PLXDC2: variants seen among roughly 807,000 people sequenced by gnomAD.
The protein encoded by PLXDC2 is plexin domain-containing protein 2.
In PLXDC2, 40 loss-of-function variants were observed where a neutral mutation model predicts 68.9. The ratio of observed to expected loss-of-function variants is 0.58; its 90% CI spans 0.45 to 0.76. The LOEUF (loss-of-function observed/expected upper bound fraction) is 0.76, where lower values mean the gene tolerates loss of function less well. PLXDC2 is among the 30% of genes least tolerant of loss of function. PLXDC2 has a pLI of 0.00. For synonymous variants in PLXDC2, 243 were observed against 234.2 expected, an observed-to-expected ratio of 1.04 and a Z score of -0.34; for missense variants, 644 against 661.9, an observed-to-expected ratio of 0.97 and a Z score of 0.30.
chr10:19,859,150 C>G (rs1167947080), intron 1 of PLXDC2, among the ~76,000 whole-genome samples: 1 of 152,068 alleles, frequency 6.6e-6, no homozygotes, highest in African/African-American at 2.4e-5. Flanking sequence ...CTAAGGCATC[C>G]ATGAGGGATC....
intron 2 of PLXDC2, among the ~76,000 whole-genome samples, chr10:20,022,770 C>T (rs1315306262): frequency 1.3e-5 from 2 of 151,994 alleles, no homozygotes; most frequent in African/African-American, 4.8e-5. Context: ...TGCAAATAAT[C>T]ATTTACTACA....
chr10:19,855,922 A>G (rs1322409763), intron 1 of PLXDC2, among the ~76,000 whole-genome samples: 2 of 152,084 alleles, frequency 1.3e-5, no homozygotes, highest in Admixed American at 6.6e-5. Flanking sequence ...CATCTGTACT[A>G]AAAAAATATA....
chr10:20,269,706 T>A (rs1835911561), intron 13 of PLXDC2, among the ~76,000 whole-genome samples: 1 of 152,030 alleles, frequency 6.6e-6, no homozygotes, highest in African/African-American at 2.4e-5. Context: ...GCAGCGAGAA[T>A]CAGTGATGTA....
intron 1 of PLXDC2, among the ~76,000 whole-genome samples, chr10:19,886,932 T>G (rs1026830479): frequency 1.3e-5 from 2 of 152,192 alleles, no homozygotes; most frequent in Non-Finnish European, 2.9e-5. Flanking sequence ...CTATCCTAAG[T>G]CATATAACCT....
At chr10:19,866,191 T>A (rs557128664) in intron 1 of PLXDC2, among the ~76,000 whole-genome samples, 1 of 152,228 alleles carries the variant, frequency 6.6e-6, no homozygotes, top group African/African-American at 2.4e-5. Flanking sequence ...GGGTATTCTT[T>A]ATTTGTTTAG....
intron 1 of PLXDC2, among the ~76,000 whole-genome samples, chr10:19,998,666 A>G (rs538986586): frequency 7.9e-5 from 12 of 152,334 alleles, no homozygotes; most frequent in African/African-American, 2.9e-4. Context: ...CAATTAGAGC[A>G]AGCAAGAGAT....
rs528022280 is a variant in PLXDC2 at position 19,952,164 on chromosome 10, A to T, written c.113-49611A>T. 1.6e-4 allele frequency among the ~76,000 whole-genome samples: 24 copies of T among 152,344 alleles called. 1 individual carries two copies. The South Asian group carries it at 3.3e-3, about 21-fold the overall frequency. ...CTAAAATAAAAGTTGGAATTATTTT[A>T]AAAAATACATTTTTTAAAATGTAAA... On this transcript the variant is annotated intron_variant, in intron 1 of 13. Coordinates refer to ENST00000377252, the MANE Select transcript of PLXDC2 (RefSeq NM_032812.9).
intron 6 of PLXDC2, among the ~76,000 whole-genome samples, chr10:20,155,479 G>A (rs557156229): frequency 6.6e-6 from 1 of 152,144 alleles, no homozygotes; most frequent in Admixed American, 6.5e-5. Context: ...TAATATATAT[G>A]TACATATATA....
intron 1 of PLXDC2, among the ~76,000 whole-genome samples, chr10:19,897,591 A>G (rs935123041): frequency 6.6e-6 from 1 of 152,196 alleles, no homozygotes; most frequent in Non-Finnish European, 1.5e-5. Flanking sequence ...AGTTTAGGGA[A>G]CAGAAAACAT....
At chr10:19,883,302 C>T (rs189991300) in intron 1 of PLXDC2, among the ~76,000 whole-genome samples, 1 of 152,116 alleles carries the variant, frequency 6.6e-6, no homozygotes, top group East Asian at 1.9e-4. Context: ...GTTAAAAGTG[C>T]GTATTTTATA....
At chr10:20,266,361 G>A (rs2026420) in intron 13 of PLXDC2, among the ~76,000 whole-genome samples, 87,712 of 147,804 alleles carry the variant, frequency 0.59, 26,688 homozygotes, top group Middle Eastern at 0.76. Flanking sequence ...GAAATTGTTG[G>A]GGAAAAAAAA....
In PLXDC2 at chr10:20,283,880, A is replaced by G. The variant is rs1355712928; in HGVS notation, c.*4061A>G. On this transcript the variant is annotated 3_prime_UTR_variant, in exon 14 of 14. Coordinates refer to ENST00000377252, the MANE Select transcript of PLXDC2 (RefSeq NM_032812.9). Reference sequence around the variant, plus strand: ...GTAAACCTTTGCACATGCAGACTATATAAAGGGAATAAAATTATTTTAAAT... The same window carrying G: ...GTAAACCTTTGCACATGCAGACTATGTAAAGGGAATAAAATTATTTTAAAT... The G allele has an allele frequency of 6.6e-6, 1 of 152,214 alleles. No individual in the cohort carries two copies. The allele number at this position is 152,214 out of a possible 1,614,324, so 9.4% of individuals were successfully genotyped here.
chr10:20,273,505 G>A (rs1408714156), intron 13 of PLXDC2, among the ~76,000 whole-genome samples: 1 of 151,832 alleles, frequency 6.6e-6, no homozygotes, highest in African/African-American at 2.4e-5. Context: ...CGACTTCTAG[G>A]ACATATACAT....
chr10:20,074,285 G>A (rs531689051), intron 4 of PLXDC2, among the ~76,000 whole-genome samples: 189 of 152,058 alleles, frequency 1.2e-3, no homozygotes, highest in African/African-American at 4.2e-3. Context: ...CATTTGCTAC[G>A]TAAAAGATTA....
chr10:20,247,321 A>G (rs1001959130), intron 13 of PLXDC2, among the ~76,000 whole-genome samples: 3 of 151,448 alleles, frequency 2.0e-5, no homozygotes, highest in East Asian at 1.9e-4. Flanking sequence ...AGAAAAAAAG[A>G]AAAAAATGAA....
chr10:20,012,522 T>G (rs908954669), intron 2 of PLXDC2, among the ~76,000 whole-genome samples: 16 of 151,522 alleles, frequency 1.1e-4, no homozygotes, highest in African/African-American at 3.9e-4. Flanking sequence ...GATGGGGTTT[T>G]GCCTTGTTGG....
intron 1 of PLXDC2, among the ~76,000 whole-genome samples, chr10:19,882,625 T>C (rs1313490844): frequency 6.6e-6 from 1 of 152,150 alleles, no homozygotes; most frequent in East Asian, 1.9e-4. Context: ...TCAAATATAA[T>C]AGTATGAAAG....
At chr10:19,820,662 A>G (rs1836449736) in intron 1 of PLXDC2, among the ~76,000 whole-genome samples, 1 of 151,384 alleles carries the variant, frequency 6.6e-6, no homozygotes, top group African/African-American at 2.4e-5. Flanking sequence ...AAAAGAAAAG[A>G]AAATATGTGT....
chr10:20,180,879 G>A (rs561407182), intron 9 of PLXDC2, among the ~76,000 whole-genome samples: 1 of 152,076 alleles, frequency 6.6e-6, no homozygotes, highest in African/African-American at 2.4e-5. Flanking sequence ...TGCAGACTGA[G>A]AATACCTAAT....
Sources: gnomAD v4.1 joint callset for allele counts (sites outside exome capture counted in the v4.1 genomes callset) on GRCh38, gnomAD v4.1.1 for gene constraint, MANE v1.5 for transcripts, NCBI Gene and HGNC (gene_info 2026-07-23, HGNC 2026-07-21) for gene names.